The following RCAN1 variants were observed in gnomAD, a reference collection of about 807,000 sequenced individuals.
The protein encoded by RCAN1 is calcipressin-1.
RCAN1 carries 11 observed loss-of-function variants against 22.9 expected under a neutral mutation model. That is an observed-to-expected ratio of 0.48 (90% CI 0.30 to 0.79). RCAN1 has a LOEUF of 0.79. RCAN1 is among the 30% of genes least tolerant of loss of function. The probability of loss-of-function intolerance (pLI) is 0.06; values close to 1 mark genes in which losing one functional copy is unlikely to be tolerated. For synonymous variants in RCAN1, 136 were observed against 142.3 expected, an observed-to-expected ratio of 0.96 and a Z score of 0.32; for missense variants, 291 against 337.8, an observed-to-expected ratio of 0.86 and a Z score of 1.09.
chr21:34,591,537 T>G (rs1334459399), intron 1 of RCAN1, among the ~76,000 whole-genome samples: 1 of 152,166 alleles, frequency 6.6e-6, no homozygotes, highest in Non-Finnish European at 1.5e-5. Flanking sequence ...TAGGGACACC[T>G]TCTATCCTGT....
intron 1 of RCAN1, among the ~76,000 whole-genome samples, chr21:34,575,102 T>C (rs1231645694): frequency 6.6e-6 from 1 of 152,214 alleles, no homozygotes; most frequent in Non-Finnish European, 1.5e-5. Flanking sequence ...CTACATCAAA[T>C]GTTTGCGAAC....
chr21:34,575,989 G>A (rs961343816), intron 1 of RCAN1, among the ~76,000 whole-genome samples: 2 of 152,136 alleles, frequency 1.3e-5, no homozygotes, highest in African/African-American at 4.8e-5. Flanking sequence ...CACTGCATGG[G>A]ATCCTTAACT....
chr21:34,555,628 T>C (rs969282325), intron 1 of RCAN1, among the ~76,000 whole-genome samples: 10 of 150,964 alleles, frequency 6.6e-5, no homozygotes, highest in Middle Eastern at 3.4e-3. Context: ...TACTCCATGG[T>C]GGGAAGTGTG....
At chr21:34,535,303 C>T (rs1000079514) in intron 1 of RCAN1, among the ~76,000 whole-genome samples, 3 of 152,080 alleles carry the variant, frequency 2.0e-5, no homozygotes, top group African/African-American at 4.8e-5. Flanking sequence ...TTAGGGCAAT[C>T]AGGAAATGGG....
At chr21:34,521,772 CA>C in intron 2 of RCAN1, 114 bp from the exon 3 acceptor site, 1 of 839,218 alleles carries the variant, frequency 1.2e-6, no homozygotes, top group Admixed American at 2.7e-5. Context: ...GGCGTCAGGA[CA>C]GGTGTGATTC....
At position 34,518,213 on chromosome 21, in the gene RCAN1, G is replaced by T. The variant is rs199533956; in HGVS notation, c.630C>A (p.Ser210Arg). Residue 210 changes from serine (S) to arginine (R), a missense_variant, in exon 4 of 4, where the codon AGC (serine) becomes AGA (arginine). Transcript: ENST00000313806. This position sits in a 1 kb window ranked among gnomAD's most constrained non-coding sequence, Gnocchi z 4.2. Reference sequence around the variant, plus strand: ...CACTCTCACATACATGGACCACCACGCTGGGAGTGGTGTCAGTCGCTGCGT... The same window carrying T: ...CACTCTCACATACATGGACCACCACTCTGGGAGTGGTGTCAGTCGCTGCGT... ...ELHAATDTTP[S>R]VVVHVCESDQ... 2 of 1,613,924 alleles carry T rather than the reference G, an allele frequency of 1.2e-6. No homozygotes were observed. Among genetic ancestry groups the T allele is most frequent in the African/African-American group, 2.7e-5 (2 of 74,870 alleles).
At chr21:34,526,852 A>G (rs1300239892) in intron 1 of RCAN1, 1 of 1,495,034 alleles carries the variant, frequency 6.7e-7, no homozygotes, top group Non-Finnish European at 8.8e-7. Flanking sequence ...GGTGCTTATA[A>G]AGCAGTAAGG....
At chr21:34,589,917 A>G (rs1219073436) in intron 1 of RCAN1, among the ~76,000 whole-genome samples, 3 of 152,110 alleles carry the variant, frequency 2.0e-5, no homozygotes, top group Non-Finnish European at 4.4e-5. Flanking sequence ...CTCATGATAA[A>G]TTTCTTTATA....
chr21:34,587,146 A>G (rs902675223), intron 1 of RCAN1, among the ~76,000 whole-genome samples: 9 of 152,184 alleles, frequency 5.9e-5, no homozygotes, highest in African/African-American at 2.2e-4. Flanking sequence ...TACAGGTCCT[A>G]CAGATATTAG....
chr21:34,531,798 C>T (rs189767963), intron 1 of RCAN1, among the ~76,000 whole-genome samples: 3 of 152,280 alleles, frequency 2.0e-5, no homozygotes, highest in East Asian at 1.9e-4. Flanking sequence ...AGTCTCTGCT[C>T]GTGCTCTCCC....
intron 1 of RCAN1, among the ~76,000 whole-genome samples, chr21:34,592,077 C>A (rs2123712340): frequency 6.6e-6 from 1 of 152,366 alleles, no homozygotes; most frequent in Non-Finnish European, 1.5e-5. Context: ...CATTTCAGAT[C>A]TGTCTTATCA....
intron 1 of RCAN1, chr21:34,613,885 C>T (rs1988746375): frequency 1.4e-6 from 2 of 1,386,086 alleles, no homozygotes; most frequent in African/African-American, 1.5e-5. Flanking sequence ...GCTGAAAGCA[C>T]TGCTTTTTTT....
In RCAN1 at chr21:34,521,494, C is replaced by G; in HGVS notation, c.586+5G>C. ...GCCTCCCTCCCACCCGAGGGCCCTG[C>G]TCACCTGGCCCCAGCTTGGAGATGG... On this transcript the variant is annotated splice_donor_5th_base_variant and intron_variant, in intron 3 of 3. Coordinates refer to ENST00000313806, the MANE Select transcript of RCAN1 (RefSeq NM_004414.7). 1 of 1,614,174 alleles carries G rather than the reference C, an allele frequency of 6.2e-7. No homozygotes were observed. Among genetic ancestry groups the G allele is most frequent in the South Asian group, 1.1e-5 (1 of 91,088 alleles).
chr21:34,584,979 CT>C (rs1987740124), intron 1 of RCAN1, among the ~76,000 whole-genome samples: 1 of 152,194 alleles, frequency 6.6e-6, no homozygotes, highest in African/African-American at 2.4e-5. Context: ...TTACTTCTGC[CT>C]GCTCCAAGGG....
At chr21:34,596,838 A>G (rs1205348983) in intron 1 of RCAN1, among the ~76,000 whole-genome samples, 1 of 152,206 alleles carries the variant, frequency 6.6e-6, no homozygotes, top group Non-Finnish European at 1.5e-5. Flanking sequence ...ACAACTGCAC[A>G]GCCCTTGGCT....
At chr21:34,537,469 C>T (rs777370912) in intron 1 of RCAN1, among the ~76,000 whole-genome samples, 43 of 152,226 alleles carry the variant, frequency 2.8e-4, no homozygotes, top group Middle Eastern at 3.4e-3. Context: ...GGTGGTGGCC[C>T]GGGGAGATGT....
At chr21:34,529,657 T>C (rs970160941) in intron 1 of RCAN1, among the ~76,000 whole-genome samples, 1 of 152,210 alleles carries the variant, frequency 6.6e-6, no homozygotes, top group Non-Finnish European at 1.5e-5. Context: ...ATATTCCTTG[T>C]GGTTTTGGAG....
chr21:34,614,500 C>G lies in RCAN1; in HGVS notation c.252+260G>C, dbSNP rs1227166153. The G allele has an allele frequency of 1.9e-6, 2 of 1,043,200 alleles. No individual in the cohort carries two copies. The highest frequency in any genetic ancestry group is 1.6e-4 in the East Asian group (2 of 12,558). 64.6% of individuals were successfully genotyped at this position (1,043,200 alleles called of 1,614,324 possible). A position where few individuals can be genotyped will look rare whatever the true frequency, so the allele number is the denominator to read the frequency against. On this transcript the variant is annotated intron_variant, in intron 1 of 3. Coordinates refer to ENST00000313806, the MANE Select transcript of RCAN1 (RefSeq NM_004414.7). This position sits in a 1 kb window ranked among gnomAD's most constrained non-coding sequence, Gnocchi z 6.0. ...AATTCACCCCCCTAGTCGCACCAGC[C>G]TGGGCGCACACGGGGGCCGGGGCGA...
intron 1 of RCAN1, among the ~76,000 whole-genome samples, chr21:34,567,358 T>TG (rs1249382770): frequency 1.3e-5 from 2 of 151,886 alleles, no homozygotes; most frequent in East Asian, 3.9e-4. Flanking sequence ...TAGCCGAGCG[T>TG]GGGGGGCACA....
Sources: gnomAD v4.1 joint callset for allele counts (sites outside exome capture counted in the v4.1 genomes callset) on GRCh38, gnomAD v4.1.1 for gene constraint, Gnocchi (gnomAD v3.1) non-coding constraint, MANE v1.5 for transcripts, NCBI Gene and HGNC (gene_info 2026-07-23, HGNC 2026-07-21) for gene names.